Variants in GRIK2 observed in about 807,000 individuals in gnomAD.
The protein encoded by GRIK2 is glutamate ionotropic receptor kainate type subunit 2, also known as glutamate receptor ionotropic, kainate 2.
Under a neutral mutation model 100.3 loss-of-function variants are expected in GRIK2, and 32 were observed. The ratio of observed to expected loss-of-function variants is 0.32; its 90% CI spans 0.24 to 0.43. The LOEUF is 0.43. GRIK2 is among the 20% of genes least tolerant of loss of function. The probability of loss-of-function intolerance (pLI) is 1.00; values close to 1 mark genes in which losing one functional copy is unlikely to be tolerated. For missense variants in GRIK2, 843 were observed against 1,114.9 expected, an observed-to-expected ratio of 0.76 and a Z score of 3.47; for synonymous variants, 417 against 389.4, an observed-to-expected ratio of 1.07 and a Z score of -0.83.
chr6:101,429,979 C>T (rs1351313145), intron 2 of GRIK2, among the ~76,000 whole-genome samples: 1 of 152,156 alleles, frequency 6.6e-6, no homozygotes, highest in African/African-American at 2.4e-5. Flanking sequence ...ACTTCTCTAA[C>T]CTTTGTAGAC....
intron 14 of GRIK2, among the ~76,000 whole-genome samples, chr6:101,934,197 C>T (rs1337129286): frequency 4.0e-5 from 6 of 151,814 alleles, no homozygotes; most frequent in Non-Finnish European, 8.8e-5. Context: ...CCAAGGAATG[C>T]ATAGTATCAC....
At chr6:101,769,327 G>C (rs1036668781) in intron 7 of GRIK2, among the ~76,000 whole-genome samples, 6 of 152,020 alleles carry the variant, frequency 3.9e-5, no homozygotes, top group Admixed American at 3.9e-4. Context: ...ATATTCATTG[G>C]GTAGCCTTTA....
chr6:101,605,628 A>G (rs980421116), intron 2 of GRIK2, among the ~76,000 whole-genome samples: 2 of 152,060 alleles, frequency 1.3e-5, no homozygotes, highest in African/African-American at 4.8e-5. Flanking sequence ...CAGTGAGCCA[A>G]GATCGTGCCA....
chr6:101,894,651 C>T (rs746950023), intron 12 of GRIK2, among the ~76,000 whole-genome samples: 1 of 151,454 alleles, frequency 6.6e-6, no homozygotes, highest in Non-Finnish European at 1.5e-5. Context: ...AGGGCACCCA[C>T]CCCTTACATT....
chr6:101,648,255 G>A (rs746644585), intron 4 of GRIK2, among the ~76,000 whole-genome samples: 1 of 151,956 alleles, frequency 6.6e-6, no homozygotes, highest in African/African-American at 2.4e-5. Context: ...TTGGACTACC[G>A]ATGATTATAT....
chr6:101,636,398 T>G (rs1446598153), intron 4 of GRIK2, among the ~76,000 whole-genome samples: 1 of 151,966 alleles, frequency 6.6e-6, no homozygotes, highest in East Asian at 1.9e-4. Flanking sequence ...ACTCCTAAGG[T>G]AGATGACGGC....
At chr6:101,659,758 G>A (rs1244968878) in intron 4 of GRIK2, among the ~76,000 whole-genome samples, 1 of 152,098 alleles carries the variant, frequency 6.6e-6, no homozygotes, top group Admixed American at 6.6e-5. Context: ...ATGAAATTCT[G>A]GATGAAAATT....
At chr6:101,775,991 T>C (rs964211994) in intron 7 of GRIK2, among the ~76,000 whole-genome samples, 6 of 152,120 alleles carry the variant, frequency 3.9e-5, no homozygotes, top group Admixed American at 6.5e-5. Context: ...TCTCTGGTAG[T>C]TCAAAAACAT....
At chr6:101,458,969 T>C (rs1771152159) in intron 2 of GRIK2, among the ~76,000 whole-genome samples, 1 of 152,182 alleles carries the variant, frequency 6.6e-6, no homozygotes, top group African/African-American at 2.4e-5. Context: ...GTGACTTCAA[T>C]ATTTTCAGAA....
At position 102,035,453 on chromosome 6, in the gene GRIK2, A is replaced by T; in HGVS notation, c.2198A>T (p.Tyr733Phe). Residue 733 changes from tyrosine (Y) to phenylalanine (F), a missense_variant, in exon 15 of 17, where the codon TAT becomes TTT. By Grantham distance (22) the Tyr-to-Phe change is conservative. Transcript: ENST00000369134. ...ATCCAGCGAGTCCTCACCTCTGATTATGCTTTCCTAATGGAGTCAACAACC... is the reference window on the plus strand; with the variant it reads ...ATCCAGCGAGTCCTCACCTCTGATTTTGCTTTCCTAATGGAGTCAACAACC... Reference protein sequence around the residue: ...EGIQRVLTSDYAFLMESTTIE... With the variant: ...EGIQRVLTSDFAFLMESTTIE... 6.2e-7 allele frequency: 1 copy of T among 1,608,656 alleles called. No individual in the cohort carries two copies. Among genetic ancestry groups the T allele is most frequent in the Non-Finnish European group, 8.5e-7 (1 of 1,175,936 alleles).
intron 7 of GRIK2, among the ~76,000 whole-genome samples, chr6:101,713,144 C>A (rs189504345): frequency 6.6e-6 from 1 of 151,718 alleles, no homozygotes; most frequent in Non-Finnish European, 1.5e-5. Context: ...GGGACTATGA[C>A]GAAAGGCCAG....
At chr6:101,405,818 G>A (rs1775563301) in intron 2 of GRIK2, among the ~76,000 whole-genome samples, 1 of 152,184 alleles carries the variant, frequency 6.6e-6, no homozygotes, top group African/African-American at 2.4e-5. Flanking sequence ...ATGTGGCATT[G>A]CCGACTCAGA....
intron 2 of GRIK2, among the ~76,000 whole-genome samples, chr6:101,439,633 C>G (rs990866994): frequency 6.6e-6 from 1 of 152,030 alleles, no homozygotes; most frequent in Non-Finnish European, 1.5e-5. Flanking sequence ...TTTCAATTTC[C>G]TTAATGAAAG....
At chr6:102,014,136 A>G (rs1562111918) in intron 14 of GRIK2, among the ~76,000 whole-genome samples, 1 of 152,182 alleles carries the variant, frequency 6.6e-6, no homozygotes, top group African/African-American at 2.4e-5. Flanking sequence ...TCAGGGAATT[A>G]ATTTATTCCT....
At chr6:101,931,033 A>G (rs1454160527) in intron 14 of GRIK2, among the ~76,000 whole-genome samples, 1 of 152,132 alleles carries the variant, frequency 6.6e-6, no homozygotes, top group African/African-American at 2.4e-5. Context: ...GCTGAGTTCT[A>G]TTTTCCTACT....
At chr6:101,828,353 T>C (rs1479350851) in intron 10 of GRIK2, among the ~76,000 whole-genome samples, 1 of 151,614 alleles carries the variant, frequency 6.6e-6, no homozygotes, top group African/African-American at 2.4e-5. Flanking sequence ...AACAACCTAA[T>C]CTCAACCTAA....
chr6:101,439,729 T>C (rs1257483592), intron 2 of GRIK2, among the ~76,000 whole-genome samples: 1 of 152,082 alleles, frequency 6.6e-6, no homozygotes, highest in African/African-American at 2.4e-5. Context: ...AACAAGAAAA[T>C]ATCTATATAA....
chr6:101,397,886 T>C (rs1232583097), intron 1 of GRIK2, among the ~76,000 whole-genome samples: 2 of 152,082 alleles, frequency 1.3e-5, no homozygotes, highest in African/African-American at 2.4e-5. Flanking sequence ...TATATATTTA[T>C]TATACAAGTT....
chr6:101,727,620 C>T (rs936074008), intron 7 of GRIK2, among the ~76,000 whole-genome samples: 1 of 151,970 alleles, frequency 6.6e-6, no homozygotes, highest in Non-Finnish European at 1.5e-5. Flanking sequence ...TGTTACATTT[C>T]CTGTGAGAAA....
Sources: gnomAD v4.1 joint callset for allele counts (sites outside exome capture counted in the v4.1 genomes callset) on GRCh38, gnomAD v4.1.1 for gene constraint, MANE v1.5 for transcripts, NCBI Gene and HGNC (gene_info 2026-07-23, HGNC 2026-07-21) for gene names.